The following UNC79 variants were observed in gnomAD, a reference collection of about 807,000 sequenced individuals.
UNC79 encodes unc-79 subunit of NALCN channel complex, also known as protein unc-79 homolog.
A neutral mutation model predicts 283.1 loss-of-function variants in UNC79; 37 were observed. The ratio of observed to expected loss-of-function variants is 0.13; its 90% CI spans 0.10 to 0.17. UNC79 has a LOEUF of 0.17. Ranked by LOEUF, UNC79 falls within the 10% of genes least tolerant of loss-of-function variation. The pLI, the probability that UNC79 is intolerant of heterozygous loss-of-function variation, is 1.00. For synonymous variants in UNC79, 1,107 were observed against 1,200.2 expected, an observed-to-expected ratio of 0.92 and a Z score of 1.61; for missense variants, 2,272 against 3,211.1, an observed-to-expected ratio of 0.71 and a Z score of 7.07.
At chr14:93,681,429 C>T (rs1458118995) in intron 41 of UNC79, among the ~76,000 whole-genome samples, 1 of 152,238 alleles carries the variant, frequency 6.6e-6, no homozygotes, top group Non-Finnish European at 1.5e-5. Context: ...ATAATGCTTA[C>T]ATTTAAACCC....
intron 7 of UNC79, among the ~76,000 whole-genome samples, chr14:93,515,268 G>A (rs901062354): frequency 1.4e-5 from 2 of 147,562 alleles, no homozygotes; most frequent in Non-Finnish European, 3.0e-5. Flanking sequence ...ATGTATATGT[G>A]TGTGTGTGTG....
At chr14:93,540,522 A>T in intron 12 of UNC79, 138 bp from the exon 13 acceptor site, 1 of 882,858 alleles carries the variant, frequency 1.1e-6, no homozygotes, top group Non-Finnish European at 1.7e-6. Context: ...GTACTCAGTA[A>T]CTCAGTAACA....
At position 93,474,380 on chromosome 14, in the gene UNC79, G is replaced by C; in HGVS notation, c.435G>C (p.Gln145His). The change falls in exon 3 of 49, where the codon CAG (glutamine) becomes CAC (histidine). Residue 145 changes from glutamine to histidine, a missense_variant. Physicochemically the swap from Gln to His is conservative, Grantham distance 24. Transcript: ENST00000555664. The surrounding 1 kb of genome is among the most constrained non-coding windows in gnomAD (Gnocchi z 4.1). ...TCCTGGATCTAGTTCCTTTACTACAGCACGGCCAACACGGTGAGCACTTAG... is the reference window on the plus strand; with the variant it reads ...TCCTGGATCTAGTTCCTTTACTACACCACGGCCAACACGGTGAGCACTTAG... The C allele has an allele frequency of 6.5e-7, 1 of 1,535,264 alleles. No homozygotes were observed. The highest frequency in any genetic ancestry group is 8.7e-7 in the Non-Finnish European group (1 of 1,146,300).
chr14:93,520,685 C>T (rs2140960567), intron 7 of UNC79, among the ~76,000 whole-genome samples: 1 of 152,046 alleles, frequency 6.6e-6, no homozygotes, highest in Admixed American at 6.5e-5. Context: ...TTTTCTTCTG[C>T]ATTGTCTATT....
At chr14:93,586,760 G>A (rs767259575) in exon 22 of UNC79, 19 of 1,613,288 alleles carry the variant, frequency 1.2e-5, no homozygotes, top group Non-Finnish European at 1.5e-5. Flanking sequence ...TTTTGTATAG[G>A]AAATGGCTAA....
chr14:93,538,990 C>T (rs1369244208), intron 12 of UNC79, among the ~76,000 whole-genome samples: 1 of 151,516 alleles, frequency 6.6e-6, no homozygotes, highest in Non-Finnish European at 1.5e-5. Context: ...GCAACCTACG[C>T]CTCCTGGGTT....
At chr14:93,589,246 G>C (rs2064476372) in intron 22 of UNC79, among the ~76,000 whole-genome samples, 1 of 152,132 alleles carries the variant, frequency 6.6e-6, no homozygotes, top group Non-Finnish European at 1.5e-5. Context: ...ATGGGCAAAG[G>C]GTTTACTGGG....
chr14:93,351,005 C>T (rs1342676820), intron 1 of UNC79, among the ~76,000 whole-genome samples: 1 of 152,182 alleles, frequency 6.6e-6, no homozygotes, highest in Non-Finnish European at 1.5e-5. Flanking sequence ...GTCATGTATT[C>T]TCCTGCTATA....
intron 7 of UNC79, among the ~76,000 whole-genome samples, chr14:93,499,816 T>C (rs985838703): frequency 1.3e-5 from 2 of 151,884 alleles, no homozygotes; most frequent in Non-Finnish European, 2.9e-5. Flanking sequence ...GATTCTCAAG[T>C]AAGTGACATT....
intron 17 of UNC79, among the ~76,000 whole-genome samples, chr14:93,575,438 G>GA: frequency 6.6e-6 from 1 of 152,270 alleles, no homozygotes; most frequent in South Asian, 2.1e-4. Context: ...CTCCCTTGAT[G>GA]AAAAAGAGTA....
chr14:93,539,258 C>T (rs1321020495), intron 12 of UNC79, among the ~76,000 whole-genome samples: 2 of 149,528 alleles, frequency 1.3e-5, no homozygotes, highest in African/African-American at 2.5e-5. Flanking sequence ...CGCAGTGGCT[C>T]GCGCCTGTAA....
At chr14:93,675,802 G>A (rs1460640872) in intron 41 of UNC79, among the ~76,000 whole-genome samples, 1 of 152,200 alleles carries the variant, frequency 6.6e-6, no homozygotes, top group Non-Finnish European at 1.5e-5. Flanking sequence ...GTGAGTCAGT[G>A]ATTGCTGGAA....
intron 20 of UNC79, among the ~76,000 whole-genome samples, chr14:93,585,754 G>A (rs1256189295): frequency 6.6e-6 from 1 of 152,138 alleles, no homozygotes; most frequent in Non-Finnish European, 1.5e-5. Context: ...CCTCCCGAGA[G>A]GGTGAAAATA....
chr14:93,411,193 A>C (rs1177112967), intron 1 of UNC79, among the ~76,000 whole-genome samples: 2 of 152,078 alleles, frequency 1.3e-5, no homozygotes, highest in Non-Finnish European at 2.9e-5. Context: ...TCCTGGCCAC[A>C]GGATGAGGCC....
chr14:93,567,752 CAGTT>C (rs2062978891), intron 14 of UNC79, among the ~76,000 whole-genome samples: 1 of 152,158 alleles, frequency 6.6e-6, no homozygotes, highest in African/African-American at 2.4e-5. Flanking sequence ...GAGATGGTCT[CAGTT>C]AGTTTAGAAA....
upstream of UNC79, among the ~76,000 whole-genome samples, chr14:93,429,446 C>G (rs1282369258): frequency 6.6e-6 from 1 of 152,100 alleles, no homozygotes; most frequent in Non-Finnish European, 1.5e-5. Flanking sequence ...TTGCAAATAC[C>G]ATGAAACTTG....
At chr14:93,418,656 G>A (rs2055519334) in intron 1 of UNC79, among the ~76,000 whole-genome samples, 1 of 151,830 alleles carries the variant, frequency 6.6e-6, no homozygotes, top group South Asian at 2.1e-4. Context: ...AGGCCTCCTT[G>A]AGCTGTGGTG....
chr14:93,657,288 A>G lies in UNC79; in HGVS notation c.6456+1881A>G, dbSNP rs1054794779. Among the ~76,000 whole-genome samples, 7 of 152,154 alleles carry G rather than the reference A, an allele frequency of 4.6e-5. No homozygotes were observed. The East Asian group carries it at 9.6e-4, about 21-fold the overall frequency. ...GGAACCTCCTAGGACCCGAGAACCA[A>G]TCAGGGCTTCACTGCTAAAGAGCCG... On this transcript the variant is annotated intron_variant, in intron 38 of 48. Transcript: ENST00000555664.
At chr14:93,642,033 A>G (rs987003616) in intron 33 of UNC79, among the ~76,000 whole-genome samples, 1 of 121,644 alleles carries the variant, frequency 8.2e-6, no homozygotes, top group Non-Finnish European at 1.9e-5. Flanking sequence ...TGTGGAACTG[A>G]GAGTCAATTA....
Sources: allele counts gnomAD v4.1 joint callset (sites outside exome capture counted in the v4.1 genomes callset), GRCh38; gene constraint gnomAD v4.1.1; non-coding constraint Gnocchi (gnomAD v3.1); transcripts MANE v1.5; gene names NCBI Gene and HGNC (gene_info 2026-07-23, HGNC 2026-07-21).